NME7: variants seen among roughly 807,000 people sequenced by gnomAD.
NME7 encodes nucleoside diphosphate kinase 7.
NME7 carries 41 observed loss-of-function variants against 49.1 expected under a neutral mutation model. That is an observed-to-expected ratio of 0.83 (90% CI 0.65 to 1.08). The LOEUF (loss-of-function observed/expected upper bound fraction) is 1.08. Among genes scored for constraint, NME7 ranks in the 50% least tolerant of loss-of-function variants. NME7 has a pLI of 0.00. For synonymous variants in NME7, 139 were observed against 150.6 expected (o/e 0.92, Z 0.56); for missense variants, 423 against 463.4 (o/e 0.91, Z 0.80).
intron 1 of NME7, among the ~76,000 whole-genome samples, chr1:169,344,850 T>C (rs1652902158): frequency 1.3e-5 from 2 of 152,190 alleles, no homozygotes; most frequent in African/African-American, 2.4e-5. Flanking sequence ...TATAGGACAA[T>C]ACTGGCTTCG....
chr1:169,136,468 T>C (rs1232088265), intron 11 of NME7, among the ~76,000 whole-genome samples: 2 of 152,198 alleles, frequency 1.3e-5, no homozygotes, highest in African/African-American at 4.8e-5. Flanking sequence ...CCACCTGCTA[T>C]GTACCCAGCA....
intron 11 of NME7, 78 bp from the exon 12 acceptor site, chr1:169,132,895 T>TAG: frequency 8.9e-7 from 1 of 1,122,612 alleles, no homozygotes; most frequent in Non-Finnish European, 1.3e-6. Context: ...AAGAGGTTGG[T>TAG]CAGGACTTCA....
intron 7 of NME7, among the ~76,000 whole-genome samples, chr1:169,276,887 C>G (rs183346116): frequency 1.8e-4 from 27 of 148,550 alleles, no homozygotes; most frequent in East Asian, 1.0e-3. Context: ...GGTATGTTGT[C>G]TCTTTGTTCT....
At chr1:169,357,479 A>G (rs1653505710) in intron 1 of NME7, among the ~76,000 whole-genome samples, 4 of 152,098 alleles carry the variant, frequency 2.6e-5, no homozygotes, top group Admixed American at 2.6e-4. Flanking sequence ...AGATAAAATC[A>G]TCAGGCCAAT....
chr1:169,138,350 ATG>A (rs1202547572), intron 11 of NME7, among the ~76,000 whole-genome samples: 1 of 151,932 alleles, frequency 6.6e-6, no homozygotes, highest in Non-Finnish European at 1.5e-5. Context: ...CTAAATGAAA[ATG>A]TCACATTAAA....
intron 1 of NME7, among the ~76,000 whole-genome samples, chr1:169,347,389 A>T (rs1390005837): frequency 6.6e-6 from 1 of 152,212 alleles, no homozygotes; most frequent in Non-Finnish European, 1.5e-5. Context: ...AATACATTCC[A>T]GGTAGACAAA....
chr1:169,328,299 T>C (rs1652137992), intron 1 of NME7, among the ~76,000 whole-genome samples: 1 of 152,210 alleles, frequency 6.6e-6, no homozygotes, highest in South Asian at 2.1e-4. Flanking sequence ...ATGGAAACAG[T>C]ACTTTCTTCA....
chr1:169,175,504 C>A (rs928667955), intron 10 of NME7, among the ~76,000 whole-genome samples: 2 of 152,092 alleles, frequency 1.3e-5, no homozygotes, highest in African/African-American at 4.8e-5. Flanking sequence ...ATACAAGTGG[C>A]AGCACAGTAG....
intron 6 of NME7, among the ~76,000 whole-genome samples, chr1:169,293,802 T>C (rs1041641328): frequency 6.6e-6 from 1 of 152,154 alleles, no homozygotes; most frequent in Non-Finnish European, 1.5e-5. Context: ...TACTGACTCT[T>C]CCCATTCATA....
intron 7 of NME7, among the ~76,000 whole-genome samples, chr1:169,238,876 T>A (rs1238632822): frequency 2.0e-5 from 3 of 152,086 alleles, no homozygotes; most frequent in African/African-American, 7.2e-5. Context: ...TTCTGTCACA[T>A]TAATGCTATT....
At chr1:169,367,061 C>T (rs894654579) in intron 1 of NME7, among the ~76,000 whole-genome samples, 27 of 152,052 alleles carry the variant, frequency 1.8e-4, no homozygotes, top group African/African-American at 6.5e-4. Context: ...AGCTCCATTC[C>T]TTTCATTCAG....
rs183595500 is a variant in NME7 at position 169,230,199 on chromosome 1, A to G, written c.990+519T>C. Among the ~76,000 whole-genome samples, 290 of 152,204 alleles carry G rather than the reference A, an allele frequency of 1.9e-3. 2 individuals are homozygous for G. The highest frequency in any genetic ancestry group is 6.8e-3 in the African/African-American group (284 of 41,538). On this transcript the variant is annotated intron_variant, in intron 10 of 11. Coordinates refer to ENST00000367811, the MANE Select transcript of NME7 (RefSeq NM_013330.5). The stretch of plus-strand genomic sequence containing the variant: ...TTCTACTTGTCACCCCCCTACACCT[A>G]TACACACATACATACATGCACTGTT...
chr1:169,136,519 A>C (rs1658437879), intron 11 of NME7, among the ~76,000 whole-genome samples: 1 of 152,190 alleles, frequency 6.6e-6, no homozygotes. Flanking sequence ...GTAGGGGGTC[A>C]CAGGGGAGTG....
chr1:169,154,952 T>C (rs1005408744), intron 11 of NME7, among the ~76,000 whole-genome samples: 2 of 151,998 alleles, frequency 1.3e-5, no homozygotes, highest in African/African-American at 4.8e-5. Flanking sequence ...TAAAATATGT[T>C]TTTAAAATTT....
At chr1:169,356,007 T>C (rs979539026) in intron 1 of NME7, among the ~76,000 whole-genome samples, 2 of 152,130 alleles carry the variant, frequency 1.3e-5, no homozygotes, top group African/African-American at 2.4e-5. Context: ...TCTCTAGAGG[T>C]GAACAGCCCT....
At chr1:169,133,292 G>T (rs1658309075) in intron 11 of NME7, among the ~76,000 whole-genome samples, 1 of 152,184 alleles carries the variant, frequency 6.6e-6, no homozygotes, top group Admixed American at 6.5e-5. Context: ...TAAAGATTTA[G>T]TATCACTTAA....
chr1:169,151,654 G>A (rs545514791), intron 11 of NME7, among the ~76,000 whole-genome samples: 25 of 152,216 alleles, frequency 1.6e-4, no homozygotes, highest in African/African-American at 6.0e-4. Context: ...CAGAGTGGGT[G>A]CCACCTTCTT....
At chr1:169,265,026 T>C (rs1649277150) in intron 7 of NME7, among the ~76,000 whole-genome samples, 1 of 132,710 alleles carries the variant, frequency 7.5e-6, no homozygotes, top group African/African-American at 2.5e-5. Flanking sequence ...AAGCCCCTTA[T>C]AAAACCATCA....
In NME7 at chr1:169,323,208, C is replaced by T. The variant is rs939701464; in HGVS notation, c.187G>A (p.Gly63Ser). 6.2e-7 allele frequency: 1 copy of T among 1,607,960 alleles called. No homozygotes were observed. Among genetic ancestry groups the T allele is most frequent in the African/African-American group, 1.3e-5 (1 of 74,696 alleles). Residue 63 changes from glycine (G) to serine (S), a missense_variant, in exon 3 of 12, where the codon GGC (glycine) becomes AGC (serine). By Grantham distance (56) the Gly-to-Ser change is moderately conservative. Transcript: ENST00000367811. ...DNLHLEDLFIGNKVNVFSRQL... is the reference protein window; with the variant it reads ...DNLHLEDLFISNKVNVFSRQL... ...CGAGAAAAGACATTCACTTTGTTGCCTATAAATAAATCTTCCAAGTGCAGG... is the reference window on the plus strand; with the variant it reads ...CGAGAAAAGACATTCACTTTGTTGCTTATAAATAAATCTTCCAAGTGCAGG...
Sources: gnomAD v4.1 joint callset for allele counts (sites outside exome capture counted in the v4.1 genomes callset) on GRCh38, gnomAD v4.1.1 for gene constraint, MANE v1.5 for transcripts, NCBI Gene and HGNC (gene_info 2026-07-23, HGNC 2026-07-21) for gene names.